Variants in SHC4 observed in about 807,000 individuals in gnomAD.
The protein encoded by SHC4 is SHC-transforming protein 4.
In SHC4, 41 loss-of-function variants were observed where a neutral mutation model predicts 69.4. That is an observed-to-expected ratio of 0.59 (90% CI 0.46 to 0.77). The LOEUF (loss-of-function observed/expected upper bound fraction) is 0.77, where lower values mean the gene tolerates loss of function less well. Among genes scored for constraint, SHC4 ranks in the 30% least tolerant of loss-of-function variants. The pLI is 0.00. For missense variants in SHC4, 777 were observed against 783.8 expected, an observed-to-expected ratio of 0.99 and a Z score of 0.10; for synonymous variants, 318 against 299.3, an observed-to-expected ratio of 1.06 and a Z score of -0.64.
chr15:48,931,556 T>C (rs1900965429), intron 1 of SHC4, among the ~76,000 whole-genome samples: 1 of 152,124 alleles, frequency 6.6e-6, no homozygotes, highest in Admixed American at 6.6e-5. Context: ...AGCCGCATCC[T>C]TTCAATCTCC....
chr15:48,935,769 C>T (rs924332485), intron 1 of SHC4, among the ~76,000 whole-genome samples: 1 of 152,074 alleles, frequency 6.6e-6, no homozygotes, highest in African/African-American at 2.4e-5. Context: ...TTAGAGAGAG[C>T]TCAGTGAGAT....
intron 9 of SHC4, among the ~76,000 whole-genome samples, chr15:48,850,720 T>C (rs1899194864): frequency 6.6e-6 from 1 of 152,184 alleles, no homozygotes; most frequent in Admixed American, 6.5e-5. Flanking sequence ...CTCTGGCAAG[T>C]ATGGGGTGGA....
chr15:48,825,892 A>G lies in SHC4; in HGVS notation c.*79T>C. The G allele has an allele frequency of 6.6e-7, 1 of 1,510,154 alleles. No homozygotes were observed. Among genetic ancestry groups the G allele is most frequent in the South Asian group, 1.3e-5 (1 of 75,714 alleles). The allele number at this position is 1,510,154 out of a possible 1,614,324, so 93.5% of individuals were successfully genotyped here. ...CAGTTTGTGCTCTATTTTATCTACA[A>G]ACAAAGTTTAAATTATCTTTGTGTC... On this transcript the variant is annotated 3_prime_UTR_variant, in exon 12 of 12. Transcript: ENST00000332408.
intron 2 of SHC4, among the ~76,000 whole-genome samples, chr15:48,892,081 T>C (rs1900147423): frequency 6.6e-6 from 1 of 152,102 alleles, no homozygotes; most frequent in East Asian, 1.9e-4. Context: ...GGTCTCGATC[T>C]CCTGACCTCG....
chr15:48,849,096 C>A (rs1019002398), intron 9 of SHC4, among the ~76,000 whole-genome samples: 1 of 152,088 alleles, frequency 6.6e-6, no homozygotes, highest in Non-Finnish European at 1.5e-5. Flanking sequence ...TTTTGAAGAT[C>A]CTTAGGATGC....
intron 9 of SHC4, among the ~76,000 whole-genome samples, chr15:48,849,930 T>C (rs1009126248): frequency 3.3e-5 from 5 of 152,198 alleles, no homozygotes; most frequent in Admixed American, 2.6e-4. Context: ...AGGCCCAGCA[T>C]GGTGGCTCAC....
At chr15:48,915,274 G>A (rs1186139333) in intron 2 of SHC4, among the ~76,000 whole-genome samples, 1 of 152,124 alleles carries the variant, frequency 6.6e-6, no homozygotes, top group Non-Finnish European at 1.5e-5. Flanking sequence ...AGGTACAATT[G>A]GCTTTCATAC....
chr15:48,867,268 A>T (rs937334802), intron 6 of SHC4, among the ~76,000 whole-genome samples: 1 of 152,254 alleles, frequency 6.6e-6, no homozygotes, highest in African/African-American at 2.4e-5. Flanking sequence ...GAAAAGAGAA[A>T]TAAGTGTTGT....
rs114145382 is a variant in SHC4, at chr15:48,852,635, C to T, written c.1243-1387G>A. On this transcript the variant is annotated intron_variant, in intron 8 of 11. Coordinates refer to ENST00000332408, the MANE Select transcript of SHC4 (RefSeq NM_203349.4). ...TAAGAGGTAGGGCCAGGCGTGACGG[C>T]TCACGCTTGTAATCTCAGCAATTTT... Among the ~76,000 whole-genome samples the T allele has an allele frequency of 8.7e-3, 1,327 of 152,292 alleles. 17 individuals carry two copies. Among genetic ancestry groups the T allele is most frequent in the African/African-American group, 0.03 (1,258 of 41,562 alleles).
chr15:48,918,945 G>A (rs1280208360), intron 2 of SHC4, among the ~76,000 whole-genome samples: 1 of 152,064 alleles, frequency 6.6e-6, no homozygotes, highest in Non-Finnish European at 1.5e-5. Flanking sequence ...CAGGTCTGCT[G>A]TCACACCCAA....
chr15:48,888,808 A>G (rs1165774274), intron 3 of SHC4, among the ~76,000 whole-genome samples: 3 of 149,694 alleles, frequency 2.0e-5, no homozygotes, highest in African/African-American at 4.9e-5. Flanking sequence ...GGCATTGAGA[A>G]TCGTTTGAAC....
intron 7 of SHC4, 30 bp from the exon 8 acceptor site, chr15:48,856,154 C>A: frequency 6.3e-7 from 1 of 1,594,360 alleles, no homozygotes; most frequent in Non-Finnish European, 8.5e-7. Flanking sequence ...CCTCAAGAGG[C>A]TGGGCGAAAA....
At chr15:48,949,310 G>A (rs1441848784) in intron 1 of SHC4, among the ~76,000 whole-genome samples, 2 of 150,974 alleles carry the variant, frequency 1.3e-5, no homozygotes, top group Non-Finnish European at 2.9e-5. Flanking sequence ...TGCAGAGCTT[G>A]CAGTGAGCCT....
In SHC4 at chr15:48,951,708, C is replaced by G. The variant is rs572321372; in HGVS notation, c.585+10723G>C. The stretch of plus-strand genomic sequence containing the variant: ...CTCTCCATCTCAGCCTATGGAAACT[C>G]TACCTATTTCTTAAAACTCAGGTAA... On this transcript the variant is annotated intron_variant, in intron 1 of 11. Transcript: ENST00000332408. 3.3e-5 allele frequency among the ~76,000 whole-genome samples: 5 copies of G among 152,322 alleles called. No homozygotes were observed. The South Asian group carries it at 6.2e-4, about 19-fold the overall frequency.
chr15:48,870,191 G>C (rs1337427966), intron 5 of SHC4, among the ~76,000 whole-genome samples: 5 of 152,202 alleles, frequency 3.3e-5, no homozygotes, highest in Non-Finnish European at 7.4e-5. Context: ...GGATGACTGA[G>C]CTAGGGAGAA....
chr15:48,831,558 C>T (rs904519656), intron 11 of SHC4, among the ~76,000 whole-genome samples: 16 of 152,188 alleles, frequency 1.1e-4, no homozygotes, highest in African/African-American at 3.9e-4. Context: ...TTGCAACCTA[C>T]AAGCAATAGG....
At chr15:48,888,681 G>A (rs1221122537) in intron 3 of SHC4, among the ~76,000 whole-genome samples, 1 of 151,936 alleles carries the variant, frequency 6.6e-6, no homozygotes, top group South Asian at 2.1e-4. Flanking sequence ...ATCACTTGAG[G>A]CCAGGGAGTT....
At chr15:48,827,046 A>AT (rs1270082304) in intron 11 of SHC4, among the ~76,000 whole-genome samples, 2 of 152,154 alleles carry the variant, frequency 1.3e-5, no homozygotes, top group African/African-American at 4.8e-5. Context: ...GCTGTACATT[A>AT]CTATCCATTG....
Position 48,843,633 on chromosome 15 carries a change from A to G in SHC4, c.1304-45T>C, listed in dbSNP as rs755823486. The stretch of plus-strand genomic sequence containing the variant: ...TCAATACATTATGTTTTTTCTTTGT[A>G]AATAGTAAATAAAATCATGTTTGAG... On this transcript the variant is annotated intron_variant, in intron 9 of 11. Coordinates refer to ENST00000332408, the MANE Select transcript of SHC4 (RefSeq NM_203349.4). 3 of 1,530,478 alleles carry G rather than the reference A, an allele frequency of 2.0e-6. No homozygotes were observed. The Admixed American group carries it at 5.4e-5, about 28-fold the overall frequency. The allele number at this position is 1,530,478 out of a possible 1,614,324, so 94.8% of individuals were successfully genotyped here.
Sources: allele counts gnomAD v4.1 joint callset (sites outside exome capture counted in the v4.1 genomes callset), GRCh38; gene constraint gnomAD v4.1.1; transcripts MANE v1.5; gene names NCBI Gene and HGNC (gene_info 2026-07-23, HGNC 2026-07-21).